NCLN: variants seen among roughly 807,000 people sequenced by gnomAD.
NCLN encodes the protein BOS complex subunit NCLN.
NCLN carries 34 observed loss-of-function variants against 69.5 expected under a neutral mutation model. The observed-to-expected ratio is 0.49, with a 90% CI of 0.37 to 0.65. The LOEUF (loss-of-function observed/expected upper bound fraction) is 0.65. NCLN is among the 30% of genes least tolerant of loss of function. The pLI is 0.00. For synonymous variants in NCLN, 393 were observed against 358.3 expected (o/e 1.10, Z -1.09); for missense variants, 710 against 804.8 (o/e 0.88, Z 1.42).
In NCLN at chr19:3,205,592, A is replaced by G. The variant is rs1260776827; in HGVS notation, c.1209-347A>G. 6.6e-6 allele frequency among the ~76,000 whole-genome samples: 1 copy of G among 152,230 alleles called. No individual in the cohort carries two copies. The highest frequency in any genetic ancestry group is 1.5e-5 in the Non-Finnish European group (1 of 68,034). On this transcript the variant is annotated intron_variant, in intron 9 of 14. Transcript: ENST00000246117. The surrounding 1 kb of genome is among the most constrained non-coding windows in gnomAD (Gnocchi z 4.6). ...CACCAGGGGTCAGCCCAGGAGGGCCACCTGGGATTTGCAGAGGGTCCCAGA... is the reference window on the plus strand; with the variant it reads ...CACCAGGGGTCAGCCCAGGAGGGCCGCCTGGGATTTGCAGAGGGTCCCAGA...
rs2144919026 is a variant in NCLN at position 3,205,791 on chromosome 19, A to G, written c.1209-148A>G. The G allele has an allele frequency of 1.3e-6, 1 of 744,276 alleles. No homozygotes were observed. Among genetic ancestry groups the G allele is most frequent in the East Asian group, 2.6e-5 (1 of 38,762 alleles). 46.1% of individuals were successfully genotyped at this position (744,276 alleles called of 1,614,324 possible). On this transcript the variant is annotated intron_variant, in intron 9 of 14. Coordinates refer to ENST00000246117, the MANE Select transcript of NCLN (RefSeq NM_020170.4). The surrounding 1 kb of genome is among the most constrained non-coding windows in gnomAD (Gnocchi z 4.6). The stretch of plus-strand genomic sequence containing the variant: ...GTGAATCTGCATCTACATGTTAGCC[A>G]AGTAGTTAAAGCTAAGCTTAATTTT...
chr19:3,193,152 G>A, intron 2 of NCLN, 132 bp from the exon 3 acceptor site: 1 of 822,964 alleles, frequency 1.2e-6, no homozygotes, highest in Non-Finnish European at 1.9e-6. Flanking sequence ...CAGTCACTGG[G>A]CCCCCTGCTA....
chr19:3,186,412 C>G (rs1035388707), intron 1 of NCLN, among the ~76,000 whole-genome samples, 198 bp downstream of exon 1: 2 of 149,174 alleles, frequency 1.3e-5, no homozygotes, highest in South Asian at 4.1e-4. Context: ...CGCCCAGGGA[C>G]CCCCCGCGCT....
intron 1 of NCLN, among the ~76,000 whole-genome samples, chr19:3,191,219 G>A (rs1021162878): frequency 6.6e-6 from 1 of 152,152 alleles, no homozygotes; most frequent in Non-Finnish European, 1.5e-5. Flanking sequence ...GCTGCGTCTT[G>A]TTGGGTGGAG....
intron 1 of NCLN, among the ~76,000 whole-genome samples, chr19:3,187,098 C>G (rs1915689147): frequency 6.6e-6 from 1 of 152,148 alleles, no homozygotes; most frequent in South Asian, 2.1e-4. Context: ...CTCCTCACAC[C>G]CACTTCCCAG....
intron 1 of NCLN, among the ~76,000 whole-genome samples, chr19:3,190,752 AGGCCTGTACCCGGCCCCCCTGCG>A (rs1260508399): frequency 2.0e-5 from 3 of 148,482 alleles, no homozygotes; most frequent in African/African-American, 7.9e-5. Flanking sequence ...CCCCTGCGTC[AGGCCTGTACCCGGCCCCCCTGCG>A]TCAGGTCTGC....
chr19:3,201,596 G>T lies in NCLN; in HGVS notation c.770G>T (p.Arg257Leu), dbSNP rs753722695. The T allele has an allele frequency of 1.3e-6, 2 of 1,558,752 alleles. No individual in the cohort carries two copies. The highest frequency in any genetic ancestry group is 1.7e-6 in the Non-Finnish European group (2 of 1,159,740). Reference protein sequence around the residue: ...VLLELARLFSRLYTYKRTHAA... With the variant: ...VLLELARLFSLLYTYKRTHAA... ...CTGGAGCTGGCACGCCTCTTCTCCCGGCTCTACACCTACAAGCGCACGCAC... is the reference window on the plus strand; with the variant it reads ...CTGGAGCTGGCACGCCTCTTCTCCCTGCTCTACACCTACAAGCGCACGCAC... Residue 257 changes from arginine (R) to leucine (L), a missense_variant, in exon 6 of 15, where the codon CGG becomes CTG. Arg to Leu is a moderately radical substitution (Grantham distance 102, BLOSUM62 -2). Transcript: ENST00000246117.
intron 3 of NCLN, 75 bp from the exon 4 acceptor site, chr19:3,196,108 G>T (rs948170502): frequency 1.1e-4 from 115 of 1,088,722 alleles, no homozygotes; most frequent in South Asian, 2.4e-4. Context: ...CCAACCTGGG[G>T]TGTCAGTGCT....
At position 3,196,124 on chromosome 19, in the gene NCLN, T is replaced by G. The variant is rs311615; in HGVS notation, c.521-59T>G. The G allele has an allele frequency of 5.4e-6, 7 of 1,300,578 alleles. No individual in the cohort carries two copies. The South Asian group carries it at 9.8e-5, about 18-fold the overall frequency. 80.6% of individuals were successfully genotyped at this position (1,300,578 alleles called of 1,614,324 possible). ...CAACCTGGGGTGTCAGTGCTGGGGA[T>G]GCCCCCTGGCTGGGGCCCTGGCTGG... On this transcript the variant is annotated intron_variant, in intron 3 of 14. Coordinates refer to ENST00000246117, the MANE Select transcript of NCLN (RefSeq NM_020170.4).
At chr19:3,197,216 G>A (rs1391453460) in intron 4 of NCLN, among the ~76,000 whole-genome samples, 4 of 152,336 alleles carry the variant, frequency 2.6e-5, no homozygotes, top group Admixed American at 1.3e-4. Context: ...TGGCACAGGC[G>A]CTGGGCTCCG....
chr19:3,192,239 C>T (rs1158606438), intron 1 of NCLN, among the ~76,000 whole-genome samples: 2 of 152,180 alleles, frequency 1.3e-5, no homozygotes, highest in Admixed American at 6.5e-5. Context: ...ACCCAGGGTT[C>T]GCGTGGCACT....
chr19:3,203,208 T>C (rs1413443677), intron 6 of NCLN, among the ~76,000 whole-genome samples: 1 of 151,868 alleles, frequency 6.6e-6, no homozygotes, highest in East Asian at 1.9e-4. Flanking sequence ...CTTGGGAGGC[T>C]CAGGCAGGAT....
chr19:3,189,438 C>T (rs534961395), intron 1 of NCLN, among the ~76,000 whole-genome samples: 3 of 152,364 alleles, frequency 2.0e-5, no homozygotes, highest in East Asian at 3.9e-4. Flanking sequence ...GGCATCTTGT[C>T]GCTGGCTGCT....
At chr19:3,187,776 A>C (rs553867360) in intron 1 of NCLN, among the ~76,000 whole-genome samples, 72 of 152,278 alleles carry the variant, frequency 4.7e-4, no homozygotes, top group Non-Finnish European at 8.4e-4. Context: ...CCCTGGGGCC[A>C]CAGTGGTGGT....
At position 3,185,993 on chromosome 19, in the gene NCLN, C is replaced by G; in HGVS notation, c.-38C>G. 6.8e-7 allele frequency: 1 copy of G among 1,462,732 alleles called. No individual in the cohort carries two copies. The highest frequency in any genetic ancestry group is 9.0e-7 in the Non-Finnish European group (1 of 1,106,442). The allele number at this position is 1,462,732 out of a possible 1,614,324, so 90.6% of individuals were successfully genotyped here. On this transcript the variant is annotated 5_prime_UTR_variant, in exon 1 of 15. Transcript: ENST00000246117. ...GGAGCCGCCGCCGCCGCCGTCCCGT[C>G]CCAGCTGCCGCCCCGCGCGGCCCCG...
At chr19:3,190,862 T>C (rs1307527649) in intron 1 of NCLN, among the ~76,000 whole-genome samples, 1 of 152,116 alleles carries the variant, frequency 6.6e-6, no homozygotes, top group Non-Finnish European at 1.5e-5. Context: ...TTTTAACATT[T>C]GGGTGATGTG....
chr19:3,198,667 T>C (rs1007975193), intron 4 of NCLN, 150 bp from the exon 5 acceptor site: 2 of 508,908 alleles, frequency 3.9e-6, no homozygotes, highest in African/African-American at 2.0e-5. Flanking sequence ...AGTCAGAGGC[T>C]GGCACCTCCT....
chr19:3,192,858 G>A (rs1037282391), intron 2 of NCLN, among the ~76,000 whole-genome samples, 198 bp downstream of exon 2: 5 of 152,184 alleles, frequency 3.3e-5, no homozygotes, highest in African/African-American at 1.2e-4. Context: ...GGTGTTCAGG[G>A]AGGGCCGCTC....
At chr19:3,195,647 A>G (rs2144903678) in intron 3 of NCLN, among the ~76,000 whole-genome samples, 1 of 151,984 alleles carries the variant, frequency 6.6e-6, no homozygotes, top group South Asian at 2.1e-4. Flanking sequence ...TTTTTAGGCC[A>G]GGCACAGTGG....
Sources: gnomAD v4.1 joint callset for allele counts (sites outside exome capture counted in the v4.1 genomes callset) on GRCh38, gnomAD v4.1.1 for gene constraint, Gnocchi (gnomAD v3.1) non-coding constraint, MANE v1.5 for transcripts, NCBI Gene and HGNC (gene_info 2026-07-23, HGNC 2026-07-21) for gene names.